The following ANKDD1B variants were observed in gnomAD, a reference collection of about 807,000 sequenced individuals.
ANKDD1B encodes ankyrin repeat and death domain-containing protein 1B.
Under a neutral mutation model 59.7 loss-of-function variants are expected in ANKDD1B, and 57 were observed. The observed-to-expected ratio is 0.95, with a 90% confidence interval of 0.77 to 1.19. The LOEUF (loss-of-function observed/expected upper bound fraction) is 1.19, where lower values mean the gene tolerates loss of function less well. Ranked by LOEUF, ANKDD1B falls within the 50% of genes most tolerant of loss-of-function variation. The pLI, the probability that ANKDD1B is intolerant of heterozygous loss-of-function variation, is 0.00. For missense variants in ANKDD1B, 602 were observed against 641.9 expected, an observed-to-expected ratio of 0.94 and a Z score of 0.67; for synonymous variants, 216 against 239.5, an observed-to-expected ratio of 0.90 and a Z score of 0.91.
chr5:75,657,692 A>T (rs889979529), intron 9 of ANKDD1B, among the ~76,000 whole-genome samples: 1 of 152,152 alleles, frequency 6.6e-6, no homozygotes, highest in African/African-American at 2.4e-5. Flanking sequence ...GCGGATCATG[A>T]GGTCAGGAGT....
At position 75,642,051 on chromosome 5, in the gene ANKDD1B, A is replaced by G. The variant is rs190994999; in HGVS notation, c.798+6169A>G. Among the ~76,000 whole-genome samples, 6 of 152,336 alleles carry G rather than the reference A, an allele frequency of 3.9e-5. No individual in the cohort carries two copies. The East Asian group carries it at 1.2e-3, about 29-fold the overall frequency. On this transcript the variant is annotated intron_variant, in intron 7 of 13. Coordinates refer to ENST00000601380, the MANE Select transcript of ANKDD1B (RefSeq NM_001276713.2). ...CTAAAAATATGTTGCAATATTGAAC[A>G]TGTTAATCATAGAACACTAATTGAA...
At chr5:75,654,957 T>G (rs546454092) in intron 8 of ANKDD1B, among the ~76,000 whole-genome samples, 51 of 152,240 alleles carry the variant, frequency 3.3e-4, no homozygotes, top group African/African-American at 1.2e-3. Context: ...CTCCCTCCCT[T>G]ATCATGCTGG....
At position 75,620,406 on chromosome 5, in the gene ANKDD1B, C is replaced by T. The variant is rs752038524; in HGVS notation, c.389C>T (p.Ala130Val). The change falls in exon 3 of 14, where the codon GCT (alanine) becomes GTT (valine). Residue 130 changes from alanine to valine, a missense_variant. Transcript: ENST00000601380. ...AAACACAAGGCCAGGGTGGATGTTG[C>T]TGATAAGGTAAGCTCATCTTGAGTA... The part of the protein sequence containing the change: ...LLKHKARVDV[A>V]DKHGLTVIHL... 6.5e-7 allele frequency: 1 copy of T among 1,527,258 alleles called. No individual in the cohort carries two copies. Among genetic ancestry groups the T allele is most frequent in the Non-Finnish European group, 8.8e-7 (1 of 1,139,250 alleles). The allele number at this position is 1,527,258 out of a possible 1,614,324, so 94.6% of individuals were successfully genotyped here. A position where few individuals can be genotyped will look rare whatever the true frequency, so the allele number is the denominator to read the frequency against.
chr5:75,615,035 T>C (rs1773677316), intron 1 of ANKDD1B, among the ~76,000 whole-genome samples: 1 of 152,148 alleles, frequency 6.6e-6, no homozygotes, highest in Non-Finnish European at 1.5e-5. Context: ...AGGTATTTTG[T>C]TATGGCAGCA....
chr5:75,632,131 AAG>A (rs1774182409), intron 5 of ANKDD1B, among the ~76,000 whole-genome samples: 1 of 151,920 alleles, frequency 6.6e-6, no homozygotes, highest in Non-Finnish European at 1.5e-5. Context: ...AAAGAAGAAA[AAG>A]AAAAAAAGAC....
chr5:75,629,489 CT>C (rs1261868668), intron 5 of ANKDD1B, among the ~76,000 whole-genome samples: 1 of 152,058 alleles, frequency 6.6e-6, no homozygotes, highest in East Asian at 1.9e-4. Context: ...TGGATACCCA[CT>C]TAATGGCTAT....
At chr5:75,612,630 T>C (rs766577684) in intron 1 of ANKDD1B, among the ~76,000 whole-genome samples, 3 of 152,028 alleles carry the variant, frequency 2.0e-5, no homozygotes, top group Non-Finnish European at 4.4e-5. Context: ...AGATGTAGGG[T>C]TGGAGAGAAC....
intron 5 of ANKDD1B, chr5:75,634,583 T>C (rs891025359): frequency 8.5e-5 from 18 of 212,620 alleles, no homozygotes; most frequent in Non-Finnish European, 1.1e-4. Context: ...AAGTTCATAA[T>C]ATTGCTATAT....
chr5:75,635,162 C>T, intron 6 of ANKDD1B, 166 bp downstream of exon 6: 2 of 516,780 alleles, frequency 3.9e-6, no homozygotes. Flanking sequence ...AGGCAAAATC[C>T]TTCCACTGTT....
rs529766279 is a variant in ANKDD1B, at chr5:75,617,347, C to T, written c.297+440C>T. 4.9e-4 allele frequency among the ~76,000 whole-genome samples: 75 copies of T among 152,274 alleles called. 1 individual carries two copies. The highest frequency in any genetic ancestry group is 1.7e-3 in the African/African-American group (70 of 41,552). On this transcript the variant is annotated intron_variant, in intron 2 of 13. Transcript: ENST00000601380. The stretch of plus-strand genomic sequence containing the variant: ...TTCCAAATTTAAAAATCTAAAGAGG[C>T]GTGTGGATTTTCATTATACTGGTTT...
intron 10 of ANKDD1B, among the ~76,000 whole-genome samples, chr5:75,661,108 A>C (rs1420013060): frequency 6.6e-6 from 1 of 151,564 alleles, no homozygotes; most frequent in Non-Finnish European, 1.5e-5. Flanking sequence ...AAAAAAAGTA[A>C]CACAGACTGG....
chr5:75,623,357 G>C (rs1462306647), intron 3 of ANKDD1B, among the ~76,000 whole-genome samples: 1 of 152,256 alleles, frequency 6.6e-6, no homozygotes, highest in African/African-American at 2.4e-5. Flanking sequence ...GAGCCACCGT[G>C]CCTGGCCTTC....
intron 10 of ANKDD1B, among the ~76,000 whole-genome samples, chr5:75,660,665 C>T (rs1775111679): frequency 2.0e-5 from 3 of 152,154 alleles, no homozygotes; most frequent in African/African-American, 2.4e-5. Context: ...ATAGGAGGTC[C>T]CTGGGTACAG....
At chr5:75,635,916 TA>T in intron 7 of ANKDD1B, 34 bp downstream of exon 7, 1 of 1,356,008 alleles carries the variant, frequency 7.4e-7, no homozygotes, top group Non-Finnish European at 1.0e-6. Flanking sequence ...CCATAGGACT[TA>T]AATGTGGAAG....
chr5:75,656,789 C>T (rs996140748), intron 9 of ANKDD1B, among the ~76,000 whole-genome samples: 2 of 152,204 alleles, frequency 1.3e-5, no homozygotes, highest in Non-Finnish European at 2.9e-5. Flanking sequence ...GGTCCCGAGG[C>T]CAGATGAGAC....
chr5:75,641,966 G>A (rs2111961054), intron 7 of ANKDD1B, among the ~76,000 whole-genome samples: 1 of 152,322 alleles, frequency 6.6e-6, no homozygotes, highest in South Asian at 2.1e-4. Flanking sequence ...AAGGCTGAAA[G>A]AAGGTTTGGT....
intron 10 of ANKDD1B, among the ~76,000 whole-genome samples, chr5:75,660,270 CT>C (rs1451071041): frequency 1.3e-5 from 2 of 152,210 alleles, no homozygotes; most frequent in African/African-American, 2.4e-5. Flanking sequence ...CTCCCAGCCC[CT>C]GGGAACCACC....
chr5:75,648,371 C>T (rs73763319), intron 7 of ANKDD1B, among the ~76,000 whole-genome samples: 1,686 of 152,024 alleles, frequency 0.011, 30 homozygotes, highest in African/African-American at 0.039. Flanking sequence ...CTCCTTGTCC[C>T]CAGTCGGTAT....
At chr5:75,667,306 C>T (rs1775337050) in intron 12 of ANKDD1B, among the ~76,000 whole-genome samples, 1 of 152,180 alleles carries the variant, frequency 6.6e-6, no homozygotes, top group South Asian at 2.1e-4. Context: ...ACTAAGGAAG[C>T]AAGCAAGGAT....
Sources: allele counts gnomAD v4.1 joint callset (sites outside exome capture counted in the v4.1 genomes callset), GRCh38; gene constraint gnomAD v4.1.1; transcripts MANE v1.5; gene names NCBI Gene and HGNC (gene_info 2026-07-23, HGNC 2026-07-21).